Variants in EYS observed in about 807,000 individuals in gnomAD.
EYS encodes protein eyes shut homolog.
In EYS, 250 loss-of-function variants were observed where a neutral mutation model predicts 282.1. That is an observed-to-expected ratio of 0.89 (90% CI 0.80 to 0.98). EYS has a LOEUF of 0.98. EYS is among the 50% of genes least tolerant of loss of function. EYS has a pLI of 0.00. For synonymous variants in EYS, 1,355 were observed against 1,282.9 expected, an observed-to-expected ratio of 1.06 and a Z score of -1.20; for missense variants, 4,016 against 3,709.0, an observed-to-expected ratio of 1.08 and a Z score of -2.15.
intron 31 of EYS, among the ~76,000 whole-genome samples, chr6:64,219,764 A>C (rs1331877104): frequency 6.6e-6 from 1 of 152,202 alleles, no homozygotes; most frequent in Non-Finnish European, 1.5e-5. Flanking sequence ...CACAATAGCA[A>C]AGACTTGGAA....
intron 2 of EYS, among the ~76,000 whole-genome samples, chr6:65,544,740 TA>T (rs1440203136): frequency 6.6e-6 from 1 of 152,060 alleles, no homozygotes; most frequent in East Asian, 1.9e-4. Flanking sequence ...AAAGTAAAAA[TA>T]AAAGCCATCA....
intron 22 of EYS, among the ~76,000 whole-genome samples, chr6:64,757,807 C>T (rs920619667): frequency 8.3e-5 from 12 of 144,702 alleles, no homozygotes; most frequent in South Asian, 4.4e-4. Context: ...TTGTTTGAGA[C>T]GGAGTCTCGC....
rs1361088152 is a variant in EYS at position 65,380,280 on chromosome 6, C to T, written c.1299+4106G>A. On this transcript the variant is annotated intron_variant, in intron 8 of 42. Transcript: ENST00000503581. ...ACTGGCATCAAAATAGATATATAGA[C>T]CAATGGAACACAACAAAGGATTCAG... Among the ~76,000 whole-genome samples, 3 of 152,138 alleles carry T rather than the reference C, an allele frequency of 2.0e-5. No homozygotes were observed. The East Asian group carries it at 5.8e-4, about 30-fold the overall frequency.
At chr6:64,765,409 T>C (rs760341736) in intron 22 of EYS, among the ~76,000 whole-genome samples, 11 of 152,208 alleles carry the variant, frequency 7.2e-5, no homozygotes, top group Admixed American at 4.6e-4. Context: ...TGTCTCCTTC[T>C]GAGCCCTCCA....
At chr6:65,012,152 AT>A (rs1289504913) in intron 13 of EYS, among the ~76,000 whole-genome samples, 1 of 152,168 alleles carries the variant, frequency 6.6e-6, no homozygotes, top group East Asian at 1.9e-4. Flanking sequence ...ATCCTGAAAA[AT>A]TTTTTATATT....
chr6:64,315,480 G>A (rs1440375041), intron 29 of EYS, among the ~76,000 whole-genome samples: 1 of 151,064 alleles, frequency 6.6e-6, no homozygotes, highest in Non-Finnish European at 1.5e-5. Flanking sequence ...AACATTTCAG[G>A]CCAATATCCC....
At chr6:65,292,455 C>T (rs1357473683) in intron 12 of EYS, among the ~76,000 whole-genome samples, 2 of 151,560 alleles carry the variant, frequency 1.3e-5, no homozygotes, top group African/African-American at 4.8e-5. Flanking sequence ...TTTTGAACAC[C>T]CAACATGAAG....
At chr6:64,109,052 A>G (rs1773123522) in intron 31 of EYS, among the ~76,000 whole-genome samples, 1 of 152,118 alleles carries the variant, frequency 6.6e-6, no homozygotes, top group African/African-American at 2.4e-5. Context: ...CTTAGATGCT[A>G]TAACTTCAGA....
intron 12 of EYS, among the ~76,000 whole-genome samples, chr6:65,289,869 A>C (rs562953877): frequency 3.8e-4 from 58 of 151,290 alleles, no homozygotes; most frequent in Non-Finnish European, 7.0e-4. Context: ...AAGAGCAAAA[A>C]TATACCAAAA....
intron 22 of EYS, among the ~76,000 whole-genome samples, chr6:64,660,853 C>A (rs985629799): frequency 1.3e-5 from 2 of 152,256 alleles, no homozygotes; most frequent in South Asian, 2.1e-4. Context: ...CATCAAGCTA[C>A]CAATTACTTT....
At chr6:64,297,436 T>G (rs1260971209) in intron 30 of EYS, among the ~76,000 whole-genome samples, 1 of 152,180 alleles carries the variant, frequency 6.6e-6, no homozygotes, top group Non-Finnish European at 1.5e-5. Context: ...AGAAACTCCA[T>G]GTAAAACAAC....
At chr6:63,850,574 TA>T (rs1263044691) in intron 36 of EYS, among the ~76,000 whole-genome samples, 3 of 152,194 alleles carry the variant, frequency 2.0e-5, no homozygotes, top group African/African-American at 7.2e-5. Context: ...CCAGTCAAAC[TA>T]AGCTTCATAA....
intron 19 of EYS, among the ~76,000 whole-genome samples, chr6:64,849,447 C>A (rs562787794): frequency 9.2e-4 from 139 of 151,866 alleles, no homozygotes; most frequent in Non-Finnish European, 1.6e-3. Context: ...CATTTTAGAT[C>A]AAAAATATTT....
chr6:63,805,431 C>T (rs982974342), intron 37 of EYS, among the ~76,000 whole-genome samples: 3 of 152,128 alleles, frequency 2.0e-5, no homozygotes, highest in Non-Finnish European at 4.4e-5. Context: ...ACAACCATTT[C>T]CATTTTATAA....
intron 31 of EYS, among the ~76,000 whole-genome samples, chr6:64,124,945 G>A (rs1353555521): frequency 1.3e-5 from 2 of 152,200 alleles, no homozygotes; most frequent in Non-Finnish European, 2.9e-5. Context: ...GAAAATGACT[G>A]TGTCACTGAA....
rs573554353 is a variant in EYS, at chr6:63,720,513, T to G, written c.*83A>C. On this transcript the variant is annotated 3_prime_UTR_variant, in exon 43 of 43. Coordinates refer to ENST00000503581, the MANE Select transcript of EYS (RefSeq NM_001142800.2). ...TCAGGTAATATAGTAAACAGTTGATTCCCCGTAAGCAATGTATCAAAGAAA... is the reference window on the plus strand; with the variant it reads ...TCAGGTAATATAGTAAACAGTTGATGCCCCGTAAGCAATGTATCAAAGAAA... The G allele has an allele frequency of 2.5e-5, 25 of 984,892 alleles. No homozygotes were observed. In the Middle Eastern group the frequency reaches 9.8e-4, roughly 39 times the overall value. The allele number at this position is 984,892 out of a possible 1,614,324, so 61.0% of individuals were successfully genotyped here.
chr6:64,534,361 G>C (rs1232660956), intron 26 of EYS, among the ~76,000 whole-genome samples: 1 of 151,774 alleles, frequency 6.6e-6, no homozygotes, highest in Non-Finnish European at 1.5e-5. Flanking sequence ...TGTGTTATCA[G>C]AGAACATAAA....
intron 1 of EYS, among the ~76,000 whole-genome samples, chr6:65,685,308 C>T (rs903552100): frequency 2.0e-5 from 3 of 151,992 alleles, no homozygotes; most frequent in Non-Finnish European, 2.9e-5. Flanking sequence ...TGCTCACTTC[C>T]TCTATTGTTT....
At chr6:65,245,072 C>T (rs1337037408) in intron 12 of EYS, among the ~76,000 whole-genome samples, 2 of 151,526 alleles carry the variant, frequency 1.3e-5, no homozygotes, top group South Asian at 2.1e-4. Flanking sequence ...TTAGAATATT[C>T]TTTTGCTGTC....
Sources: gnomAD v4.1 joint callset for allele counts (sites outside exome capture counted in the v4.1 genomes callset) on GRCh38, gnomAD v4.1.1 for gene constraint, MANE v1.5 for transcripts, NCBI Gene and HGNC (gene_info 2026-07-23, HGNC 2026-07-21) for gene names.